The following RALGAPB variants were observed in gnomAD, a reference collection of about 807,000 sequenced individuals.
RALGAPB encodes ral GTPase-activating protein subunit beta.
A neutral mutation model predicts 161.1 loss-of-function variants in RALGAPB; 25 were observed. The observed-to-expected ratio is 0.16, with a 90% CI of 0.11 to 0.22. The LOEUF (loss-of-function observed/expected upper bound fraction) is 0.22, where lower values mean the gene tolerates loss of function less well. RALGAPB is among the 10% of genes least tolerant of loss of function. The probability of loss-of-function intolerance (pLI) is 1.00; values close to 1 mark genes in which losing one functional copy is unlikely to be tolerated. For synonymous variants in RALGAPB, 629 were observed against 626.1 expected, an observed-to-expected ratio of 1.00 and a Z score of -0.07; for missense variants, 1,391 against 1,815.2, an observed-to-expected ratio of 0.77 and a Z score of 4.25.
intron 13 of RALGAPB, among the ~76,000 whole-genome samples, chr20:38,528,478 C>G (rs771730424): frequency 4.0e-5 from 6 of 151,852 alleles, no homozygotes; most frequent in Admixed American, 1.3e-4. Flanking sequence ...TCAAGTGATT[C>G]TTCTGCCGCA....
chr20:38,532,786 A>C lies in RALGAPB; in HGVS notation c.2172A>C (p.Ser724=). 6.2e-7 allele frequency: 1 copy of C among 1,614,028 alleles called. No homozygotes were observed. Among genetic ancestry groups the C allele is most frequent in the Non-Finnish European group, 8.5e-7 (1 of 1,179,832 alleles). ...SHSRTNSGIS[S]ASGGSTEPTT... Reference sequence around the variant, plus strand: ...GTCGCACCAATAGTGGTATTAGTTCAGCAAGTGGTGGAAGCACGGAGCCCA... The same window carrying C: ...GTCGCACCAATAGTGGTATTAGTTCCGCAAGTGGTGGAAGCACGGAGCCCA... Residue 724 remains serine, a synonymous_variant, in exon 15 of 30, where the codon TCA becomes TCC. Transcript: ENST00000262879.
rs1252714582 is a variant in RALGAPB, at chr20:38,578,578, C to A, written c.*3611C>A. The stretch of plus-strand genomic sequence containing the variant: ...AGCAGTATCATTATTTGCTTGAAAT[C>A]ATATATACAGTTTGTATGAATTTCA... On this transcript the variant is annotated 3_prime_UTR_variant, in exon 30 of 30. Transcript: ENST00000262879. 1 of 152,594 alleles carries A rather than the reference C, an allele frequency of 6.6e-6. No homozygotes were observed. The highest frequency in any genetic ancestry group is 1.5e-5 in the Non-Finnish European group (1 of 68,026). 9.5% of individuals were successfully genotyped at this position (152,594 alleles called of 1,614,324 possible).
chr20:38,474,204 T>G (rs2084736287), intron 1 of RALGAPB, among the ~76,000 whole-genome samples: 1 of 152,202 alleles, frequency 6.6e-6, no homozygotes, highest in African/African-American at 2.4e-5. Context: ...GAAGTCTGCC[T>G]AGACCATCCT....
chr20:38,562,615 G>A lies in RALGAPB; in HGVS notation c.3615G>A (p.Val1205=). 2 of 1,613,904 alleles carry A rather than the reference G, an allele frequency of 1.2e-6. No homozygotes were observed. The highest frequency in any genetic ancestry group is 1.7e-6 in the Non-Finnish European group (2 of 1,179,826). The change falls in exon 24 of 30, where the codon GTG becomes GTA. Residue 1205 remains valine, a synonymous_variant. Transcript: ENST00000262879. ...TTTCCCTTGGCTGGTCAGTAGATGT[G>A]GGCAGACACCCTGGTTGGACTGGGC... The part of the protein sequence containing the change: ...FLLSLGWSVD[V]GRHPGWTGHV...
intron 17 of RALGAPB, among the ~76,000 whole-genome samples, chr20:38,540,622 G>C (rs936021626): frequency 1.3e-5 from 2 of 152,104 alleles, no homozygotes; most frequent in Non-Finnish European, 1.5e-5. Context: ...TCAATGACAA[G>C]ATTTCCTTTG....
rs1015655139 is a variant in RALGAPB at position 38,576,331 on chromosome 20, G to A, written c.*1364G>A. The A allele has an allele frequency of 2.6e-5, 4 of 152,646 alleles. No individual in the cohort carries two copies. The highest frequency in any genetic ancestry group is 6.5e-5 in the Admixed American group (1 of 15,284). 9.5% of individuals were successfully genotyped at this position (152,646 alleles called of 1,614,324 possible). On this transcript the variant is annotated 3_prime_UTR_variant, in exon 30 of 30. Coordinates refer to ENST00000262879, the MANE Select transcript of RALGAPB (RefSeq NM_020336.4). ...TCCCACTTGAACTCTGATGTCAGTC[G>A]ACTGTGGGTCAGAGCTACAACCATC...
chr20:38,482,059 T>G (rs1482802503), intron 1 of RALGAPB, among the ~76,000 whole-genome samples: 2 of 151,718 alleles, frequency 1.3e-5, no homozygotes, highest in African/African-American at 4.9e-5. Flanking sequence ...GTAATAGTCT[T>G]CTGTTGACCA....
At chr20:38,563,592 C>CT (rs2087870259) in intron 24 of RALGAPB, among the ~76,000 whole-genome samples, 1 of 152,194 alleles carries the variant, frequency 6.6e-6, no homozygotes, top group East Asian at 1.9e-4. Flanking sequence ...TCCTGGGCTC[C>CT]TGAGGTCACT....
intron 6 of RALGAPB, among the ~76,000 whole-genome samples, chr20:38,514,178 G>A (rs966612491): frequency 2.6e-5 from 4 of 152,204 alleles, no homozygotes; most frequent in African/African-American, 9.7e-5. Flanking sequence ...TCTCATGTTG[G>A]GGAGGGATGA....
At chr20:38,538,461 G>A (rs865829655) in intron 16 of RALGAPB, 4 of 165,010 alleles carry the variant, frequency 2.4e-5, no homozygotes, top group African/African-American at 4.8e-5. Context: ...AGCCCCAACT[G>A]TGTAATAGGG....
At chr20:38,532,589 C>T in intron 14 of RALGAPB, 141 bp from the exon 15 acceptor site, 1 of 1,005,864 alleles carries the variant, frequency 9.9e-7, no homozygotes, top group Non-Finnish European at 1.5e-6. Flanking sequence ...GGTTTTAATC[C>T]CTTGTCAATT....
chr20:38,570,176 C>G (rs2145531323), intron 27 of RALGAPB, among the ~76,000 whole-genome samples, 180 bp downstream of exon 27: 1 of 152,298 alleles, frequency 6.6e-6, no homozygotes, highest in South Asian at 2.1e-4. Context: ...GATTACTCCT[C>G]TGTTAAATCC....
intron 22 of RALGAPB, among the ~76,000 whole-genome samples, chr20:38,555,237 A>T (rs867546398): frequency 6.6e-6 from 1 of 152,260 alleles, no homozygotes; most frequent in East Asian, 1.9e-4. Flanking sequence ...AAGATTGCCA[A>T]GCAAGAAGTT....
At chr20:38,537,144 TA>T (rs1367889007) in intron 16 of RALGAPB, among the ~76,000 whole-genome samples, 11 of 152,158 alleles carry the variant, frequency 7.2e-5, no homozygotes, top group African/African-American at 2.2e-4. Flanking sequence ...GGTATTGGCA[TA>T]GGGGTGGACA....
chr20:38,500,074 T>C (rs1427417377), intron 5 of RALGAPB: 3 of 152,214 alleles, frequency 2.0e-5, no homozygotes, highest in Non-Finnish European at 4.4e-5. Flanking sequence ...TTTTTTATAA[T>C]AATAATTTTA....
chr20:38,554,664 C>T (rs900998143), intron 22 of RALGAPB, among the ~76,000 whole-genome samples: 5 of 152,136 alleles, frequency 3.3e-5, no homozygotes, highest in Non-Finnish European at 7.4e-5. Flanking sequence ...GTATCCATCT[C>T]ATTGATCATG....
intron 23 of RALGAPB, among the ~76,000 whole-genome samples, chr20:38,560,257 T>C (rs2087741627): frequency 6.6e-6 from 1 of 152,002 alleles, no homozygotes; most frequent in Non-Finnish European, 1.5e-5. Flanking sequence ...CAAACAACCA[T>C]TGTAAAGGGT....
At chr20:38,532,695 T>C (rs1400675239) in intron 14 of RALGAPB, 35 bp from the exon 15 acceptor site, 2 of 1,609,228 alleles carry the variant, frequency 1.2e-6, no homozygotes, top group Non-Finnish European at 1.7e-6. Flanking sequence ...TAAACTGTGA[T>C]GTAATCCTCA....
At chr20:38,537,500 G>C (rs1295899497) in intron 16 of RALGAPB, among the ~76,000 whole-genome samples, 1 of 152,024 alleles carries the variant, frequency 6.6e-6, no homozygotes, top group African/African-American at 2.4e-5. Flanking sequence ...ACTTCTAGAA[G>C]AAAACAAGAG....
Sources: gnomAD v4.1 joint callset for allele counts (sites outside exome capture counted in the v4.1 genomes callset) on GRCh38, gnomAD v4.1.1 for gene constraint, MANE v1.5 for transcripts, NCBI Gene and HGNC (gene_info 2026-07-23, HGNC 2026-07-21) for gene names.